FNBP1L: variants seen among roughly 807,000 people sequenced by gnomAD.
FNBP1L encodes formin-binding protein 1-like.
A neutral mutation model predicts 91.2 loss-of-function variants in FNBP1L; 36 were observed. The ratio of observed to expected loss-of-function variants is 0.39; its 90% CI spans 0.30 to 0.52. The LOEUF (loss-of-function observed/expected upper bound fraction) is 0.52. FNBP1L is among the 20% of genes least tolerant of loss of function. The pLI is 0.66. For synonymous variants in FNBP1L, 242 were observed against 237.0 expected (o/e 1.02, Z -0.19); for missense variants, 571 against 732.1 (o/e 0.78, Z 2.54).
chr1:93,524,391 G>A (rs1303587208), intron 5 of FNBP1L, 68 bp downstream of exon 5: 1 of 1,115,830 alleles, frequency 9.0e-7, no homozygotes, highest in Non-Finnish European at 1.2e-6. Context: ...ATACTTTTAT[G>A]CTTCATATCT....
intron 1 of FNBP1L, among the ~76,000 whole-genome samples, chr1:93,499,079 A>G (rs1377917413): frequency 6.6e-6 from 1 of 152,172 alleles, no homozygotes; most frequent in Non-Finnish European, 1.5e-5. Context: ...GCAAATGAAT[A>G]AGATAGTAAT....
intron 5 of FNBP1L, among the ~76,000 whole-genome samples, chr1:93,524,892 T>G (rs549484788): frequency 6.6e-6 from 1 of 152,170 alleles, no homozygotes; most frequent in East Asian, 1.9e-4. Flanking sequence ...AAGTACTTTG[T>G]AGGGCAAAAT....
rs552022160 is a variant in FNBP1L at position 93,535,860 on chromosome 1, C to A, written c.991-472C>A. 9.9e-5 allele frequency among the ~76,000 whole-genome samples: 15 copies of A among 151,700 alleles called. No homozygotes were observed. The East Asian group carries it at 2.9e-3, about 29-fold the overall frequency. Reference sequence around the variant, plus strand: ...TGAAATAAGGATGAAATAGAAACAGCCTGAGAGGAAAGCCATGAATGTAAT... The same window carrying A: ...TGAAATAAGGATGAAATAGAAACAGACTGAGAGGAAAGCCATGAATGTAAT... On this transcript the variant is annotated intron_variant, in intron 9 of 16. Transcript: ENST00000271234.
At chr1:93,507,193 TC>T (rs1344917439) in intron 2 of FNBP1L, among the ~76,000 whole-genome samples, 1 of 133,212 alleles carries the variant, frequency 7.5e-6, no homozygotes, top group Non-Finnish European at 1.6e-5. Flanking sequence ...AAACAATGTA[TC>T]AGCATATCTA....
intron 5 of FNBP1L, among the ~76,000 whole-genome samples, chr1:93,527,721 A>G (rs530691984): frequency 2.5e-4 from 38 of 152,272 alleles, no homozygotes; most frequent in African/African-American, 8.9e-4. Context: ...GGCTTTTTAA[A>G]TAAGAGCAGA....
chr1:93,467,191 G>A (rs965399668), intron 1 of FNBP1L, among the ~76,000 whole-genome samples: 2 of 152,136 alleles, frequency 1.3e-5, no homozygotes, highest in Admixed American at 6.5e-5. Context: ...TTGTCCACCC[G>A]TGTGTATAGC....
At chr1:93,468,025 GT>G (rs1669150285) in intron 1 of FNBP1L, among the ~76,000 whole-genome samples, 1 of 152,052 alleles carries the variant, frequency 6.6e-6, no homozygotes, top group Non-Finnish European at 1.5e-5. Flanking sequence ...CCCTCTTCCC[GT>G]GTAACCACTG....
rs543123463 is a variant in FNBP1L at position 93,458,037 on chromosome 1, G to A, written c.24+9732G>A. Among the ~76,000 whole-genome samples, 11 of 152,190 alleles carry A rather than the reference G, an allele frequency of 7.2e-5. No homozygotes were observed. The East Asian group carries it at 1.4e-3, about 19-fold the overall frequency. ...CGACCTCCTGACCTCATGATCTGCCGCCTCAGCCTCCCAGAGTGCTGGGAT... is the reference window on the plus strand; with the variant it reads ...CGACCTCCTGACCTCATGATCTGCCACCTCAGCCTCCCAGAGTGCTGGGAT... On this transcript the variant is annotated intron_variant, in intron 1 of 16. Transcript: ENST00000271234.
At chr1:93,485,785 C>T (rs1047568298) in intron 1 of FNBP1L, among the ~76,000 whole-genome samples, 2 of 152,186 alleles carry the variant, frequency 1.3e-5, no homozygotes, top group African/African-American at 4.8e-5. Context: ...CAACCTCCGC[C>T]TCCCGGGTTC....
At chr1:93,501,182 G>A (rs1335674752) in intron 2 of FNBP1L, among the ~76,000 whole-genome samples, 1 of 152,114 alleles carries the variant, frequency 6.6e-6, no homozygotes, top group Non-Finnish European at 1.5e-5. Context: ...ATGAGAAAAA[G>A]TGCTATAGGT....
At chr1:93,498,232 T>C (rs917659923) in intron 1 of FNBP1L, among the ~76,000 whole-genome samples, 1 of 152,176 alleles carries the variant, frequency 6.6e-6, no homozygotes, top group African/African-American at 2.4e-5. Flanking sequence ...TTTAGAAAAA[T>C]AAAGGAAGAT....
chr1:93,475,976 T>A (rs1008850350), intron 1 of FNBP1L, among the ~76,000 whole-genome samples: 7 of 152,242 alleles, frequency 4.6e-5, no homozygotes, highest in African/African-American at 1.4e-4. Flanking sequence ...TTTGTTTTTT[T>A]AATAGTTTTT....
At chr1:93,537,952 C>G (rs1671900086) in intron 10 of FNBP1L, among the ~76,000 whole-genome samples, 2 of 152,084 alleles carry the variant, frequency 1.3e-5, no homozygotes, top group Admixed American at 1.3e-4. Flanking sequence ...TTCAGCCTCC[C>G]AAAGTTCTGG....
chr1:93,533,744 A>G (rs565145779), intron 8 of FNBP1L, among the ~76,000 whole-genome samples: 1 of 152,270 alleles, frequency 6.6e-6, no homozygotes, highest in African/African-American at 2.4e-5. Context: ...TTTCTGTTAC[A>G]GCTAATAGAA....
chr1:93,503,997 G>T (rs1052362431), intron 2 of FNBP1L, among the ~76,000 whole-genome samples: 1 of 152,028 alleles, frequency 6.6e-6, no homozygotes, highest in Non-Finnish European at 1.5e-5. Context: ...AAGAGAATTA[G>T]GCTGGAAGAC....
At chr1:93,467,284 C>T (rs1669114839) in intron 1 of FNBP1L, among the ~76,000 whole-genome samples, 1 of 152,096 alleles carries the variant, frequency 6.6e-6, no homozygotes, top group Admixed American at 6.6e-5. Flanking sequence ...TTGTTATACA[C>T]ATACAGTGAA....
chr1:93,551,185 C>A, intron 16 of FNBP1L, 80 bp downstream of exon 16: 1 of 1,422,884 alleles, frequency 7.0e-7, no homozygotes, highest in Non-Finnish European at 9.3e-7. Flanking sequence ...AATGAAAACA[C>A]ATTCAACAGG....
intron 10 of FNBP1L, 92 bp downstream of exon 10, chr1:93,536,582 C>A: frequency 8.6e-7 from 1 of 1,161,216 alleles, no homozygotes; most frequent in Non-Finnish European, 1.1e-6. Flanking sequence ...AGGCTCTCTC[C>A]TATAAATACA....
intron 1 of FNBP1L, among the ~76,000 whole-genome samples, chr1:93,473,478 A>T (rs1236905800): frequency 6.6e-6 from 1 of 152,150 alleles, no homozygotes; most frequent in Non-Finnish European, 1.5e-5. Flanking sequence ...CTTTTTTTAT[A>T]TGCCTCTAAT....
Sources: gnomAD v4.1 joint callset for allele counts (sites outside exome capture counted in the v4.1 genomes callset) on GRCh38, gnomAD v4.1.1 for gene constraint, MANE v1.5 for transcripts, NCBI Gene and HGNC (gene_info 2026-07-23, HGNC 2026-07-21) for gene names.